PTPN12: variants seen among roughly 807,000 people sequenced by gnomAD.
PTPN12 encodes tyrosine-protein phosphatase non-receptor type 12.
PTPN12 carries 29 observed loss-of-function variants against 97.6 expected under a neutral mutation model. That is an observed-to-expected ratio of 0.30 (90% confidence interval 0.22 to 0.41). PTPN12 has a LOEUF of 0.41. Ranked by LOEUF, PTPN12 falls within the 10% of genes least tolerant of loss-of-function variation. The pLI is 1.00. For missense variants in PTPN12, 819 were observed against 926.0 expected (o/e 0.88, Z 1.50); for synonymous variants, 327 against 300.4 (o/e 1.09, Z -0.91).
In PTPN12 at chr7:77,627,721, G is replaced by A. The variant is rs796783971; in HGVS notation, c.1996+46G>A. 11 of 1,474,198 alleles carry A rather than the reference G, an allele frequency of 7.5e-6. No individual in the cohort carries two copies. In the African/African-American group the frequency reaches 1.4e-4, roughly 19 times the overall value. 91.3% of individuals were successfully genotyped at this position (1,474,198 alleles called of 1,614,324 possible). A position where few individuals can be genotyped will look rare whatever the true frequency, so the allele number is the denominator to read the frequency against. On this transcript the variant is annotated intron_variant, in intron 13 of 17. Transcript: ENST00000248594. ...ACTTAAATGTCTTTCCTATGTGCTA[G>A]TCACTGTTTTAAGCACTTTAGCTGT...
chr7:77,632,448 C>T (rs776706252), intron 14 of PTPN12, 23 bp downstream of exon 14: 36 of 1,523,314 alleles, frequency 2.4e-5, no homozygotes, highest in Admixed American at 3.4e-5. Context: ...TTTGCTTTTA[C>T]ATTTACTTCA....
At chr7:77,538,126 A>T in intron 1 of PTPN12, 2 of 987,358 alleles carry the variant, frequency 2.0e-6, no homozygotes, top group Non-Finnish European at 2.4e-6. Flanking sequence ...AACTCCTGGG[A>T]TCCCTTTGCT....
Position 77,576,016 on chromosome 7 carries a change from TA to T in PTPN12, c.208+4832del, listed in dbSNP as rs534700335. Among the ~76,000 whole-genome samples the T allele has an allele frequency of 3.0e-3, 452 of 152,218 alleles. 4 individuals carry two copies. Among genetic ancestry groups the T allele is most frequent in the African/African-American group, 0.011 (442 of 41,544 alleles). ...ATAGGCGCACATCACCATGCCTGGC[TA>T]ATTTTTTGTGTTATTTTTAGTAGAT... is the stretch of plus-strand genomic sequence containing the variant. On this transcript the variant is annotated intron_variant, in intron 2 of 17. Transcript: ENST00000248594.
chr7:77,557,669 G>A (rs543137370), intron 1 of PTPN12, among the ~76,000 whole-genome samples: 4 of 152,194 alleles, frequency 2.6e-5, no homozygotes, highest in African/African-American at 7.2e-5. Context: ...TGTTAGAAGG[G>A]TCATACAAGG....
intron 1 of PTPN12, among the ~76,000 whole-genome samples, chr7:77,553,623 T>C (rs1807572136): frequency 1.3e-5 from 2 of 152,230 alleles, no homozygotes; most frequent in African/African-American, 4.8e-5. Flanking sequence ...ATTTTTGTGT[T>C]AGCTGATATA....
intron 3 of PTPN12, 145 bp downstream of exon 3, chr7:77,581,648 T>TA: frequency 2.2e-6 from 1 of 449,568 alleles, no homozygotes; most frequent in Non-Finnish European, 4.0e-6. Flanking sequence ...ACAATGTTTT[T>TA]ATATGCTTTC....
intron 1 of PTPN12, among the ~76,000 whole-genome samples, chr7:77,551,082 A>G (rs1210595492): frequency 3.3e-5 from 5 of 152,032 alleles, no homozygotes; most frequent in Non-Finnish European, 7.4e-5. Flanking sequence ...TGTTTTTGAG[A>G]TGGAGTCTCG....
chr7:77,626,574 C>A, intron 12 of PTPN12, 131 bp from the exon 13 acceptor site: 1 of 896,744 alleles, frequency 1.1e-6, no homozygotes, highest in Non-Finnish European at 1.6e-6. Flanking sequence ...TTTTCTTAGT[C>A]TGAAAAACTG....
intron 13 of PTPN12, among the ~76,000 whole-genome samples, chr7:77,631,064 G>T (rs1789381368): frequency 6.6e-6 from 1 of 152,110 alleles, no homozygotes; most frequent in Non-Finnish European, 1.5e-5. Flanking sequence ...TTAAGAAATG[G>T]TACCAGAATG....
At chr7:77,564,432 A>G (rs1338231611) in intron 1 of PTPN12, among the ~76,000 whole-genome samples, 1 of 152,072 alleles carries the variant, frequency 6.6e-6, no homozygotes, top group African/African-American at 2.4e-5. Context: ...ATAAAGCCAG[A>G]TGAATTTATT....
chr7:77,560,369 AT>A (rs992668909), intron 1 of PTPN12, among the ~76,000 whole-genome samples: 5 of 152,056 alleles, frequency 3.3e-5, no homozygotes, highest in African/African-American at 1.2e-4. Context: ...CCCTTAAAAA[AT>A]TTTTTTTAAT....
chr7:77,548,576 G>A (rs1279970128), intron 1 of PTPN12, among the ~76,000 whole-genome samples: 1 of 152,210 alleles, frequency 6.6e-6, no homozygotes, highest in South Asian at 2.1e-4. Flanking sequence ...TAGGAAAGCA[G>A]ATGCTTTTTA....
chr7:77,581,077 GTTGTT>G (rs1787501032), intron 2 of PTPN12, among the ~76,000 whole-genome samples: 1 of 151,902 alleles, frequency 6.6e-6, no homozygotes, highest in Non-Finnish European at 1.5e-5. Context: ...TTTTGCTGTT[GTTGTT>G]TTGTTTTAAG....
At position 77,637,944 on chromosome 7, in the gene PTPN12, AATTTTTTTTTT is replaced by A. The variant is rs1329341343; in HGVS notation, c.2174-679_2174-669del. On this transcript the variant is annotated intron_variant, in intron 16 of 17. Transcript: ENST00000248594. ...AACCCTGACCTTGTTGATTTCTTAA[AATTTTTTTTTT>A]TTTTTTTTTTTTTTTTTTTGAGACA... Among the ~76,000 whole-genome samples the A allele has an allele frequency of 4.2e-4, 38 of 89,506 alleles. 1 individual carries two copies. The East Asian group carries it at 5.0e-3, about 12-fold the overall frequency. 58.7% of individuals were successfully genotyped at this position (89,506 alleles called of 152,430 possible).
chr7:77,566,979 TAC>T (rs1167982143), intron 1 of PTPN12, among the ~76,000 whole-genome samples: 1 of 152,010 alleles, frequency 6.6e-6, no homozygotes, highest in Non-Finnish European at 1.5e-5. Flanking sequence ...GCTATTCTCA[TAC>T]AGTCTATGAA....
At chr7:77,625,550 T>TCTCACTCTCA (rs1789139619) in intron 12 of PTPN12, among the ~76,000 whole-genome samples, 1 of 93,178 alleles carries the variant, frequency 1.1e-5, no homozygotes, top group African/African-American at 5.1e-5. Flanking sequence ...GCGCTCTCTC[T>TCTCACTCTCA]CTCGCTCTCT....
rs552971440 is a variant in PTPN12, at chr7:77,611,200, G to A, written c.939+154G>A. 1.6e-4 allele frequency among the ~76,000 whole-genome samples: 24 copies of A among 152,028 alleles called. No homozygotes were observed. The East Asian group carries it at 3.9e-3, about 24-fold the overall frequency. ...ACTTAAACTCATTTCCTTCTTATTC[G>A]TATCTGTATTATGATGGCTATTTAA... On this transcript the variant is annotated intron_variant, in intron 11 of 17. Transcript: ENST00000248594.
chr7:77,619,569 T>C (rs2151385297), intron 12 of PTPN12, among the ~76,000 whole-genome samples: 1 of 152,326 alleles, frequency 6.6e-6, no homozygotes, highest in East Asian at 1.9e-4. Flanking sequence ...CAGTGTACTC[T>C]GGTATAAAGA....
chr7:77,579,147 A>C (rs1787430562), intron 2 of PTPN12, among the ~76,000 whole-genome samples: 1 of 152,154 alleles, frequency 6.6e-6, no homozygotes, highest in Non-Finnish European at 1.5e-5. Context: ...CTTGAGATGG[A>C]GTCCCACTCT....
Sources: allele counts gnomAD v4.1 joint callset (sites outside exome capture counted in the v4.1 genomes callset), GRCh38; gene constraint gnomAD v4.1.1; transcripts MANE v1.5; gene names NCBI Gene and HGNC (gene_info 2026-07-23, HGNC 2026-07-21).